Variants in NRXN3 observed in about 807,000 individuals in gnomAD.
NRXN3 encodes the protein neurexin III.
NRXN3 carries 32 observed loss-of-function variants against 137.6 expected under a neutral mutation model. That is an observed-to-expected ratio of 0.23 (90% CI 0.18 to 0.31). NRXN3 has a LOEUF of 0.31. Among genes scored for constraint, NRXN3 ranks in the 10% least tolerant of loss-of-function variants. NRXN3 has a pLI of 1.00. For synonymous variants in NRXN3, 798 were observed against 784.5 expected, an observed-to-expected ratio of 1.02 and a Z score of -0.29; for missense variants, 1,574 against 2,062.5, an observed-to-expected ratio of 0.76 and a Z score of 4.59.
At chr14:79,858,275 C>T (rs2099407027) in intron 20 of NRXN3, among the ~76,000 whole-genome samples, 1 of 151,762 alleles carries the variant, frequency 6.6e-6, no homozygotes, top group South Asian at 2.1e-4. Context: ...ACTGTGGAAA[C>T]TTTAGCTGGT....
chr14:79,846,476 GCATGCCCAATCTA>G (rs748207403), intron 20 of NRXN3, among the ~76,000 whole-genome samples: 3 of 152,136 alleles, frequency 2.0e-5, no homozygotes, highest in Non-Finnish European at 4.4e-5. Flanking sequence ...TGGTATTTCT[GCATGCCCAATCTA>G]CAGCAAACTT....
intron 8 of NRXN3, among the ~76,000 whole-genome samples, chr14:78,731,204 T>C (rs1218650565): frequency 1.3e-5 from 2 of 152,258 alleles, no homozygotes; most frequent in East Asian, 3.9e-4. Context: ...TGTTATTCTG[T>C]CTTCATAAAA....
At chr14:78,256,537 T>C (rs2069640923) in intron 2 of NRXN3, among the ~76,000 whole-genome samples, 1 of 152,212 alleles carries the variant, frequency 6.6e-6, no homozygotes, top group Non-Finnish European at 1.5e-5. Flanking sequence ...CACCCTCATG[T>C]TTGATTATGC....
chr14:79,084,912 TA>T (rs1468843751), intron 15 of NRXN3, among the ~76,000 whole-genome samples: 12 of 152,166 alleles, frequency 7.9e-5, no homozygotes, highest in African/African-American at 2.9e-4. Flanking sequence ...AACTTAGAAG[TA>T]AGTTTATAGA....
At chr14:79,203,360 A>G (rs1336647564) in intron 15 of NRXN3, among the ~76,000 whole-genome samples, 1 of 152,224 alleles carries the variant, frequency 6.6e-6, no homozygotes, top group Admixed American at 6.5e-5. Flanking sequence ...AAGATAATAT[A>G]TATACCTCCA....
At chr14:79,706,929 C>A (rs143980339) in intron 19 of NRXN3, among the ~76,000 whole-genome samples, 196 of 152,214 alleles carry the variant, frequency 1.3e-3, no homozygotes, top group Non-Finnish European at 2.5e-3. Flanking sequence ...CCCTGGCACT[C>A]CACTCTTTAT....
At chr14:78,652,379 C>G (rs150295704) in intron 6 of NRXN3, among the ~76,000 whole-genome samples, 1 of 152,318 alleles carries the variant, frequency 6.6e-6, no homozygotes, top group East Asian at 1.9e-4. Flanking sequence ...AGTGTAAGTT[C>G]AACCTCTAAG....
intron 10 of NRXN3, among the ~76,000 whole-genome samples, chr14:78,839,704 A>C (rs2099006723): frequency 6.6e-6 from 1 of 152,162 alleles, no homozygotes; most frequent in African/African-American, 2.4e-5. Context: ...GCCTCCTGCT[A>C]CACCCTGCCT....
At chr14:79,184,821 G>A (rs2063327907) in intron 15 of NRXN3, among the ~76,000 whole-genome samples, 2 of 152,280 alleles carry the variant, frequency 1.3e-5, no homozygotes, top group African/African-American at 2.4e-5. Context: ...AATGGAAATT[G>A]CTCTCTAATT....
intron 19 of NRXN3, among the ~76,000 whole-genome samples, chr14:79,731,752 G>A (rs2098923880): frequency 6.6e-6 from 1 of 151,228 alleles, no homozygotes; most frequent in Admixed American, 6.6e-5. Flanking sequence ...TCAAAGTGCT[G>A]GGATTACAGG....
intron 10 of NRXN3, among the ~76,000 whole-genome samples, chr14:78,916,306 G>A (rs1319889149): frequency 1.3e-5 from 2 of 152,102 alleles, no homozygotes; most frequent in Admixed American, 6.5e-5. Flanking sequence ...GTGCAAACTG[G>A]GTGCTAAAGC....
intron 16 of NRXN3, among the ~76,000 whole-genome samples, chr14:79,590,503 G>T (rs2097794723): frequency 1.3e-5 from 2 of 148,382 alleles, no homozygotes; most frequent in African/African-American, 5.0e-5. Context: ...ACATTAGCCA[G>T]TTACTTCTGG....
intron 14 of NRXN3, among the ~76,000 whole-genome samples, chr14:78,970,946 G>A (rs2099436659): frequency 1.3e-5 from 2 of 152,182 alleles, no homozygotes; most frequent in Admixed American, 6.5e-5. Context: ...CTACCCCGCT[G>A]GGTGGGATGA....
chr14:78,646,793 C>G (rs1372700824), intron 5 of NRXN3, among the ~76,000 whole-genome samples: 2 of 152,162 alleles, frequency 1.3e-5, no homozygotes, highest in South Asian at 2.1e-4. Flanking sequence ...CCAAAGAACC[C>G]TATTGCTAAT....
intron 16 of NRXN3, among the ~76,000 whole-genome samples, chr14:79,542,768 A>G (rs2097285708): frequency 1.3e-5 from 2 of 152,188 alleles, no homozygotes; most frequent in Admixed American, 6.5e-5. Context: ...TCCCTTCAGA[A>G]CAAACAATCT....
At chr14:78,875,901 A>G (rs2099112906) in intron 10 of NRXN3, among the ~76,000 whole-genome samples, 1 of 151,928 alleles carries the variant, frequency 6.6e-6, no homozygotes, top group Non-Finnish European at 1.5e-5. Flanking sequence ...CTAAGGAACA[A>G]CTGAGAACAA....
At chr14:78,559,959 G>C (rs1324104671) in intron 4 of NRXN3, among the ~76,000 whole-genome samples, 1 of 152,162 alleles carries the variant, frequency 6.6e-6, no homozygotes, top group Non-Finnish European at 1.5e-5. Flanking sequence ...ATTGTAAATT[G>C]CATCTTTCTT....
intron 15 of NRXN3, among the ~76,000 whole-genome samples, chr14:79,153,737 G>C (rs927203326): frequency 6.6e-6 from 1 of 151,924 alleles, no homozygotes; most frequent in Non-Finnish European, 1.5e-5. Flanking sequence ...TGACTCGTTG[G>C]TAATTTATCA....
chr14:79,770,582 C>A (rs1297478909), intron 19 of NRXN3, among the ~76,000 whole-genome samples: 1 of 149,214 alleles, frequency 6.7e-6, no homozygotes, highest in Non-Finnish European at 1.5e-5. Flanking sequence ...CCAACGAGAA[C>A]AAAGACACAA....
Sources: allele counts gnomAD v4.1 joint callset (sites outside exome capture counted in the v4.1 genomes callset), GRCh38; gene constraint gnomAD v4.1.1; transcripts MANE v1.5; gene names NCBI Gene and HGNC (gene_info 2026-07-23, HGNC 2026-07-21).